OSBPL3: variants seen among roughly 807,000 people sequenced by gnomAD.
OSBPL3 encodes oxysterol-binding protein-related protein 3.
OSBPL3 carries 65 observed loss-of-function variants against 120.1 expected under a neutral mutation model. That is an observed-to-expected ratio of 0.54 (90% CI 0.44 to 0.67). The LOEUF is 0.67. Among genes scored for constraint, OSBPL3 ranks in the 30% least tolerant of loss-of-function variants. OSBPL3 has a pLI of 0.00. For synonymous variants in OSBPL3, 416 were observed against 402.6 expected, an observed-to-expected ratio of 1.03 and a Z score of -0.40; for missense variants, 1,004 against 1,082.1, an observed-to-expected ratio of 0.93 and a Z score of 1.01.
intron 1 of OSBPL3, among the ~76,000 whole-genome samples, chr7:24,902,190 T>C (rs1807123739): frequency 6.6e-6 from 1 of 152,232 alleles, no homozygotes. Flanking sequence ...ATAAGTTAGG[T>C]AGTGTAGGAT....
rs1809062374 is a variant in OSBPL3 at position 24,913,090 on chromosome 7, C to T, written c.-149-20469G>A. ...GTGACTGAGCAAGGATTCAAATGTC[C>T]CAGCCTCCAGCCTTCCTGCTGTCCC... On this transcript the variant is annotated intron_variant, in intron 1 of 22. Coordinates refer to ENST00000313367, the MANE Select transcript of OSBPL3 (RefSeq NM_015550.4). This position sits in a 1 kb window ranked among gnomAD's most constrained non-coding sequence, Gnocchi z 5.3. Among the ~76,000 whole-genome samples the T allele has an allele frequency of 6.6e-6, 1 of 152,180 alleles. No homozygotes were observed. The highest frequency in any genetic ancestry group is 2.1e-4 in the South Asian group (1 of 4,822).
chr7:24,901,148 G>C (rs1427583050), intron 1 of OSBPL3, among the ~76,000 whole-genome samples: 1 of 152,022 alleles, frequency 6.6e-6, no homozygotes, highest in Non-Finnish European at 1.5e-5. Flanking sequence ...CCAACATAGA[G>C]AAACCCTGTC....
Position 24,940,718 on chromosome 7 carries a change from G to GT in OSBPL3, c.-150+39167_-150+39168insA. 6.6e-6 allele frequency among the ~76,000 whole-genome samples: 1 copy of GT among 152,002 alleles called. No individual in the cohort carries two copies. Among genetic ancestry groups the GT allele is most frequent in the Non-Finnish European group, 1.5e-5 (1 of 68,000 alleles). On this transcript the variant is annotated intron_variant, in intron 1 of 22. Coordinates refer to ENST00000313367, the MANE Select transcript of OSBPL3 (RefSeq NM_015550.4). This position sits in a 1 kb window ranked among gnomAD's most constrained non-coding sequence, Gnocchi z 4.4. ...AGTCCTCAATATAAGCACAGCAGAG[G>GT]ATAACAACAGGCCAGGAACTCTAAG...
chr7:24,888,452 C>T lies in OSBPL3; in HGVS notation c.96+3925G>A, dbSNP rs528831761. 1.1e-3 allele frequency among the ~76,000 whole-genome samples: 160 copies of T among 152,310 alleles called. 1 individual carries two copies. Among genetic ancestry groups the T allele is most frequent in the African/African-American group, 3.7e-3 (152 of 41,568 alleles). ...GAGAGTTAATGTTCTAATCACTATG[C>T]ATACCTTTCTCCTCAAATTATCTTG... On this transcript the variant is annotated intron_variant, in intron 2 of 22. Coordinates refer to ENST00000313367, the MANE Select transcript of OSBPL3 (RefSeq NM_015550.4).
chr7:24,825,851 C>T (rs1417076308), intron 16 of OSBPL3, among the ~76,000 whole-genome samples: 1 of 152,206 alleles, frequency 6.6e-6, no homozygotes, highest in East Asian at 1.9e-4. Flanking sequence ...ATTTCAATCT[C>T]TTACATTTTA....
rs61679797 is a variant in OSBPL3, at chr7:24,805,609, C to T, written c.2444+1167G>A. 0.14 allele frequency among the ~76,000 whole-genome samples: 22,035 copies of T among 152,140 alleles called. 3,874 individuals are homozygous for T. Among genetic ancestry groups the T allele is most frequent in the African/African-American group, 0.42 (17,461 of 41,416 alleles). ...ATACTTCCCTAAAAAAGTAGACAAACTGCACGAAACAGTACAAGCATAATG... is the reference window on the plus strand; with the variant it reads ...ATACTTCCCTAAAAAAGTAGACAAATTGCACGAAACAGTACAAGCATAATG... On this transcript the variant is annotated intron_variant, in intron 21 of 22. Coordinates refer to ENST00000313367, the MANE Select transcript of OSBPL3 (RefSeq NM_015550.4). This position sits in a 1 kb window ranked among gnomAD's most constrained non-coding sequence, Gnocchi z 4.0.
chr7:24,860,098 C>T (rs141620394), intron 10 of OSBPL3, among the ~76,000 whole-genome samples: 301 of 152,274 alleles, frequency 2.0e-3, no homozygotes, highest in African/African-American at 7.0e-3. Context: ...ACCAGATTTA[C>T]ATTCACTGAT....
chr7:24,869,473 A>G (rs1464511884), intron 5 of OSBPL3, among the ~76,000 whole-genome samples: 1 of 152,112 alleles, frequency 6.6e-6, no homozygotes, highest in Non-Finnish European at 1.5e-5. Flanking sequence ...CATACTTCAC[A>G]CCAGTCATTT....
rs1272525185 is a variant in OSBPL3 at position 24,854,810 on chromosome 7, A to C, written c.1028-2176T>G. Among the ~76,000 whole-genome samples, 1 of 152,212 alleles carries C rather than the reference A, an allele frequency of 6.6e-6. No homozygotes were observed. Among genetic ancestry groups the C allele is most frequent in the Non-Finnish European group, 1.5e-5 (1 of 68,042 alleles). On this transcript the variant is annotated intron_variant, in intron 10 of 22. Transcript: ENST00000313367. The surrounding 1 kb of genome is among the most constrained non-coding windows in gnomAD (Gnocchi z 4.1). Reference sequence around the variant, plus strand: ...TCCACATTTGTAAATGGGGATAATAATAACTTTTACTTTAAATGGTTGTCA... The same window carrying C: ...TCCACATTTGTAAATGGGGATAATACTAACTTTTACTTTAAATGGTTGTCA...
chr7:24,866,123 A>C lies in OSBPL3; in HGVS notation c.496T>G (p.Ser166Ala), dbSNP rs768082854. 3.1e-5 allele frequency: 50 copies of C among 1,613,554 alleles called. No individual in the cohort carries two copies. In the Admixed American group the frequency reaches 4.7e-4, roughly 15 times the overall value. The change falls in exon 6 of 23, where the codon TCC becomes GCC. Residue 166 changes from serine (S) to alanine (A), a missense_variant. Physicochemically the swap from Ser to Ala is moderately conservative, Grantham distance 99. Coordinates refer to ENST00000313367, the MANE Select transcript of OSBPL3 (RefSeq NM_015550.4). ...CCAGATGAAGAGTCTGTGATGGTGG[A>C]CCCTGAGAAAAAGTGGTTAACTTCA... ...PHEVNHFFSGSTITDSSSGVF... is the reference protein window; with the variant it reads ...PHEVNHFFSGATITDSSSGVF...
intron 5 of OSBPL3, among the ~76,000 whole-genome samples, chr7:24,866,472 TA>T (rs1801332111): frequency 6.6e-6 from 1 of 152,010 alleles, no homozygotes; most frequent in Admixed American, 6.5e-5. Context: ...ACCCTGTCTC[TA>T]CAAAAAATAC....
intron 1 of OSBPL3, among the ~76,000 whole-genome samples, chr7:24,910,067 A>G (rs1035679591): frequency 1.3e-5 from 2 of 152,038 alleles, no homozygotes; most frequent in Non-Finnish European, 2.9e-5. Context: ...CGGCCTCCCA[A>G]AGTGCTGAGA....
In OSBPL3 at chr7:24,870,230, G is replaced by A. The variant is rs1428213186; in HGVS notation, c.381+502C>T. On this transcript the variant is annotated intron_variant, in intron 5 of 22. Coordinates refer to ENST00000313367, the MANE Select transcript of OSBPL3 (RefSeq NM_015550.4). ...CACCTGTAGGAGAGACAGCACAAGA[G>A]GGTAAGCAGCTTTGAAGTACTATTT... Among the ~76,000 whole-genome samples the A allele has an allele frequency of 2.0e-5, 3 of 152,156 alleles. No homozygotes were observed. The East Asian group carries it at 5.8e-4, about 29-fold the overall frequency.
At chr7:24,942,875 A>G (rs4722407) in intron 1 of OSBPL3, among the ~76,000 whole-genome samples, 38,993 of 152,130 alleles carry the variant, frequency 0.26, 5,662 homozygotes, top group Non-Finnish European at 0.34. Flanking sequence ...AAGTCCACAA[A>G]AAGCCCAAAA....
intron 14 of OSBPL3, among the ~76,000 whole-genome samples, chr7:24,836,202 C>T (rs146828538): frequency 6.6e-6 from 1 of 152,284 alleles, no homozygotes; most frequent in East Asian, 1.9e-4. Context: ...CATGATCAGA[C>T]TGCTTTTCAA....
intron 2 of OSBPL3, among the ~76,000 whole-genome samples, chr7:24,885,230 A>AC (rs1804329419): frequency 7.1e-6 from 1 of 140,520 alleles, no homozygotes; most frequent in Non-Finnish European, 1.5e-5. Context: ...TCAAAAACAA[A>AC]AAAAAAAAAA....
chr7:24,907,285 T>A (rs777673995), intron 1 of OSBPL3, among the ~76,000 whole-genome samples: 22 of 152,298 alleles, frequency 1.4e-4, no homozygotes, highest in Middle Eastern at 3.4e-3. Flanking sequence ...CAAGCTTAAG[T>A]AAAATAGCAA....
intron 20 of OSBPL3, among the ~76,000 whole-genome samples, chr7:24,809,281 T>C (rs1243960552): frequency 1.3e-5 from 2 of 152,172 alleles, no homozygotes; most frequent in Non-Finnish European, 1.5e-5. Context: ...GGTGGGGACA[T>C]GCTGATGAAA....
At chr7:24,859,439 T>C (rs568080944) in intron 10 of OSBPL3, among the ~76,000 whole-genome samples, 1 of 152,348 alleles carries the variant, frequency 6.6e-6, no homozygotes, top group South Asian at 2.1e-4. Flanking sequence ...CCAGACTTTT[T>C]AGTATACCTA....
Sources: gnomAD v4.1 joint callset for allele counts (sites outside exome capture counted in the v4.1 genomes callset) on GRCh38, gnomAD v4.1.1 for gene constraint, Gnocchi (gnomAD v3.1) non-coding constraint, MANE v1.5 for transcripts, NCBI Gene and HGNC (gene_info 2026-07-23, HGNC 2026-07-21) for gene names.